Variants in CTPS1 observed in about 807,000 individuals in gnomAD.
CTPS1 encodes the protein CTP synthase 1.
A neutral mutation model predicts 80.5 loss-of-function variants in CTPS1; 25 were observed. That is an observed-to-expected ratio of 0.31 (90% CI 0.23 to 0.43). CTPS1 has a LOEUF of 0.43. Ranked by LOEUF, CTPS1 falls within the 20% of genes least tolerant of loss-of-function variation. The pLI is 1.00. For synonymous variants in CTPS1, 267 were observed against 252.5 expected, an observed-to-expected ratio of 1.06 and a Z score of -0.54; for missense variants, 442 against 725.7, an observed-to-expected ratio of 0.61 and a Z score of 4.49.
At chr1:40,995,080 A>G (rs912947588) in intron 7 of CTPS1, among the ~76,000 whole-genome samples, 4 of 152,186 alleles carry the variant, frequency 2.6e-5, no homozygotes, top group African/African-American at 9.7e-5. Context: ...GGGGTGCAGC[A>G]TGGGCTTTTG....
intron 9 of CTPS1, among the ~76,000 whole-genome samples, chr1:40,999,685 G>T (rs769836704): frequency 1.3e-5 from 2 of 152,178 alleles, no homozygotes; most frequent in Non-Finnish European, 2.9e-5. Flanking sequence ...TCCATTCCCA[G>T]ATACTCACTT....
intron 7 of CTPS1, among the ~76,000 whole-genome samples, chr1:40,994,069 G>T (rs1238789998): frequency 6.6e-6 from 1 of 152,058 alleles, no homozygotes; most frequent in Non-Finnish European, 1.5e-5. Flanking sequence ...GTGAGCCACC[G>T]CACCTGGCCT....
intron 13 of CTPS1, 35 bp downstream of exon 13, chr1:41,006,129 A>T (rs1643027670): frequency 6.6e-7 from 1 of 1,503,984 alleles, no homozygotes; most frequent in Admixed American, 1.7e-5. Flanking sequence ...CAGGGCTTAG[A>T]AGGGTGTAGA....
In CTPS1 at chr1:41,001,080, C is replaced by T. The variant is rs968928651; in HGVS notation, c.1057C>T (p.Arg353Cys). Residue 353 changes from arginine (R) to cysteine (C), a missense_variant, in exon 10 of 19, where the codon CGC becomes TGC. Coordinates refer to ENST00000650070, the MANE Select transcript of CTPS1 (RefSeq NM_001905.4). ...EPITSQEEPV[R>C]YHEAWQKLCS... Reference sequence around the variant, plus strand: ...CATCACCTCGCAAGAAGAGCCCGTGCGCTACCACGAAGCTTGGCAGAAGCT... The same window carrying T: ...CATCACCTCGCAAGAAGAGCCCGTGTGCTACCACGAAGCTTGGCAGAAGCT... 3.1e-6 allele frequency: 5 copies of T among 1,612,222 alleles called. No individual in the cohort carries two copies. Among genetic ancestry groups the T allele is most frequent in the South Asian group, 1.1e-5 (1 of 90,796 alleles).
At chr1:41,009,037 A>T in intron 16 of CTPS1, 147 bp downstream of exon 16, 1 of 698,490 alleles carries the variant, frequency 1.4e-6, no homozygotes, top group African/African-American at 1.8e-5. Context: ...CTTGATAAAC[A>T]TGGGGTCTGG....
rs780223177 is a variant in CTPS1 at position 41,011,576 on chromosome 1, C to T, written c.*10-82C>T. 1.3e-4 allele frequency: 20 copies of T among 152,230 alleles called. 1 individual carries two copies. Among genetic ancestry groups the T allele is most frequent in the Middle Eastern group, 3.4e-3 (1 of 292 alleles). The allele number at this position is 152,230 out of a possible 1,614,324, so 9.4% of individuals were successfully genotyped here. A position where few individuals can be genotyped will look rare whatever the true frequency, so the allele number is the denominator to read the frequency against. On this transcript the variant is annotated intron_variant, in intron 18 of 18. Transcript: ENST00000650070. ...TGCCATGAAAAACAGGCTTAGTTTC[C>T]CATGGCAGCTGACTAGAAATTCTAA...
At chr1:40,993,022 T>C (rs1642655350) in intron 7 of CTPS1, among the ~76,000 whole-genome samples, 1 of 151,848 alleles carries the variant, frequency 6.6e-6, no homozygotes, top group South Asian at 2.1e-4. Flanking sequence ...ATGTAACAAG[T>C]ATTTCCACAT....
chr1:40,995,784 T>A, intron 7 of CTPS1, 133 bp from the exon 8 acceptor site: 1 of 779,706 alleles, frequency 1.3e-6, no homozygotes. Context: ...TCTGTTTTAG[T>A]AGTTTATCTA....
At chr1:41,000,516 G>C (rs1264266756) in intron 9 of CTPS1, among the ~76,000 whole-genome samples, 1 of 151,726 alleles carries the variant, frequency 6.6e-6, no homozygotes, top group African/African-American at 2.4e-5. Context: ...GCCTTCCAAA[G>C]TGCTGGGATT....
chr1:41,010,121 T>G (rs374831859), intron 17 of CTPS1, 40 bp from the exon 18 acceptor site: 5 of 1,481,340 alleles, frequency 3.4e-6, no homozygotes, highest in South Asian at 2.3e-5. Context: ...AAAGTGAGTT[T>G]TTGGTGGGAG....
At chr1:40,982,610 G>A (rs1280139841) in intron 1 of CTPS1, among the ~76,000 whole-genome samples, 2 of 152,078 alleles carry the variant, frequency 1.3e-5, no homozygotes, top group East Asian at 1.9e-4. Flanking sequence ...GGCTGGTCTC[G>A]AACTCCTGAC....
chr1:41,003,384 C>T (rs1247324558), intron 12 of CTPS1, among the ~76,000 whole-genome samples: 4 of 152,168 alleles, frequency 2.6e-5, no homozygotes, highest in African/African-American at 9.7e-5. Context: ...GCCAGACTCC[C>T]TCCTTTGCCT....
chr1:41,011,246 C>T (rs549046110), intron 18 of CTPS1, among the ~76,000 whole-genome samples: 15 of 152,312 alleles, frequency 9.8e-5, no homozygotes, highest in African/African-American at 2.4e-4. Flanking sequence ...GCGTTTAACA[C>T]GGATGGACTC....
intron 9 of CTPS1, among the ~76,000 whole-genome samples, chr1:40,998,106 A>G (rs1307006439): frequency 3.3e-5 from 5 of 152,120 alleles, no homozygotes. Context: ...GGTTAAGAGC[A>G]TGGATGCCGT....
At chr1:41,008,515 G>A in intron 14 of CTPS1, 144 bp from the exon 15 acceptor site, 4 of 771,684 alleles carry the variant, frequency 5.2e-6, no homozygotes, top group East Asian at 2.5e-5. Flanking sequence ...TTAAGAGCAG[G>A]TGACCTTAGC....
chr1:40,982,962 T>TG (rs1642357333), intron 1 of CTPS1, among the ~76,000 whole-genome samples: 1 of 152,226 alleles, frequency 6.6e-6, no homozygotes, highest in African/African-American at 2.4e-5. Flanking sequence ...GGTGTAGTGT[T>TG]CTATCAGCCA....
chr1:41,009,100 T>G (rs1006088541), intron 16 of CTPS1, among the ~76,000 whole-genome samples: 2 of 152,194 alleles, frequency 1.3e-5, no homozygotes, highest in South Asian at 4.1e-4. Flanking sequence ...CCATTTAACT[T>G]CTGGCCGCAG....
In CTPS1 at chr1:40,996,032, G is replaced by T; in HGVS notation, c.836G>T (p.Arg279Ile). The change falls in exon 8 of 19, where the codon AGA becomes ATA. Residue 279 changes from arginine (R) to isoleucine (I), a missense_variant. Coordinates refer to ENST00000650070, the MANE Select transcript of CTPS1 (RefSeq NM_001905.4). The part of the protein sequence containing the change: ...RLDLPIERQP[R>I]KMLMKWKEMA... ...GACCTTCCTATTGAGAGGCAGCCAA[G>T]AAAAATGCTGATGAAATGGAAAGAG... is the stretch of plus-strand genomic sequence containing the variant. 1 of 1,614,192 alleles carries T rather than the reference G, an allele frequency of 6.2e-7. No individual in the cohort carries two copies.
At chr1:40,987,794 G>A (rs932981323) in intron 4 of CTPS1, among the ~76,000 whole-genome samples, 6 of 152,190 alleles carry the variant, frequency 3.9e-5, no homozygotes, top group African/African-American at 1.4e-4. Flanking sequence ...AAGAGCATTC[G>A]TCTCCGAATG....
Sources: gnomAD v4.1 joint callset for allele counts (sites outside exome capture counted in the v4.1 genomes callset) on GRCh38, gnomAD v4.1.1 for gene constraint, MANE v1.5 for transcripts, NCBI Gene and HGNC (gene_info 2026-07-23, HGNC 2026-07-21) for gene names.